The following GALNT18 variants were observed in gnomAD, a reference collection of about 807,000 sequenced individuals.
The protein encoded by GALNT18 is polypeptide N-acetylgalactosaminyltransferase 18.
A neutral mutation model predicts 69.5 loss-of-function variants in GALNT18; 44 were observed. That is an observed-to-expected ratio of 0.63 (90% CI 0.50 to 0.81). The LOEUF is 0.81. GALNT18 is among the 40% of genes least tolerant of loss of function. The pLI is 0.00. For missense variants in GALNT18, 715 were observed against 810.0 expected (o/e 0.88, Z 1.42); for synonymous variants, 364 against 318.2 (o/e 1.14, Z -1.53).
chr11:11,560,969 C>T (rs1311256016), intron 1 of GALNT18, among the ~76,000 whole-genome samples: 1 of 152,234 alleles, frequency 6.6e-6, no homozygotes, highest in Non-Finnish European at 1.5e-5. Flanking sequence ...TTGGTTCACA[C>T]TTCTGCCATG....
At chr11:11,363,639 C>A (rs555994819) in intron 6 of GALNT18, among the ~76,000 whole-genome samples, 3 of 152,246 alleles carry the variant, frequency 2.0e-5, no homozygotes, top group African/African-American at 7.2e-5. Context: ...TGAGAAAGAT[C>A]ATCATGAATG....
In GALNT18 at chr11:11,347,931, A is replaced by C. The variant is rs1850330953; in HGVS notation, c.1093-6927T>G. Among the ~76,000 whole-genome samples, 1 of 152,206 alleles carries C rather than the reference A, an allele frequency of 6.6e-6. No homozygotes were observed. The highest frequency in any genetic ancestry group is 1.5e-5 in the Non-Finnish European group (1 of 68,030). ...CTGAGGGCTGGGGAGAGCTGGCAGA[A>C]GACCAGAAAGTCACTCGCAGAGTGG... On this transcript the variant is annotated intron_variant, in intron 6 of 10. Coordinates refer to ENST00000227756, the MANE Select transcript of GALNT18 (RefSeq NM_198516.3). The surrounding 1 kb of genome is among the most constrained non-coding windows in gnomAD (Gnocchi z 4.0).
chr11:11,501,503 T>A (rs541169371), intron 1 of GALNT18, among the ~76,000 whole-genome samples: 1 of 152,326 alleles, frequency 6.6e-6, no homozygotes, highest in South Asian at 2.1e-4. Context: ...ACAGTATTTT[T>A]AAAATCCTAC....
At chr11:11,502,270 T>G (rs561884846) in intron 1 of GALNT18, among the ~76,000 whole-genome samples, 74 of 152,368 alleles carry the variant, frequency 4.9e-4, no homozygotes, top group South Asian at 1.9e-3. Context: ...CAACAGTACC[T>G]GCCTCTCCTT....
rs1860171518 is a variant in GALNT18 at position 11,620,726 on chromosome 11, G to A, written c.235+633C>T. ...TGCTCCTGGAGAGGGTCCTGGACCC[G>A]CGGGCTGTGGTGGGGGTAGGGACTG... On this transcript the variant is annotated intron_variant, in intron 1 of 10. Transcript: ENST00000227756. This position sits in a 1 kb window ranked among gnomAD's most constrained non-coding sequence, Gnocchi z 6.9. Among the ~76,000 whole-genome samples, 1 of 152,152 alleles carries A rather than the reference G, an allele frequency of 6.6e-6. No individual in the cohort carries two copies. Among genetic ancestry groups the A allele is most frequent in the Admixed American group, 6.5e-5 (1 of 15,288 alleles).
rs1371832043 is a variant in GALNT18, at chr11:11,396,293, C to T, written c.596-17029G>A. On this transcript the variant is annotated intron_variant, in intron 3 of 10. Transcript: ENST00000227756. This position sits in a 1 kb window ranked among gnomAD's most constrained non-coding sequence, Gnocchi z 5.2. ...GGCTTTCTCGATTCTGGCCTGGGAT[C>T]CACAAGACATGGATCAAGAAGGGCA... 5.3e-5 allele frequency among the ~76,000 whole-genome samples: 8 copies of T among 152,092 alleles called. No homozygotes were observed. Among genetic ancestry groups the T allele is most frequent in the Admixed American group, 5.2e-4 (8 of 15,268 alleles).
Position 11,382,596 on chromosome 11 carries a change from C to G in GALNT18, c.596-3332G>C, listed in dbSNP as rs116230304. Among the ~76,000 whole-genome samples the G allele has an allele frequency of 2.9e-3, 442 of 152,230 alleles. 3 individuals carry two copies. The highest frequency in any genetic ancestry group is 0.01 in the African/African-American group (432 of 41,526). On this transcript the variant is annotated intron_variant, in intron 3 of 10. Transcript: ENST00000227756. This position sits in a 1 kb window ranked among gnomAD's most constrained non-coding sequence, Gnocchi z 4.3. ...ACAAGTACCCAGCCCATCATATTTG[C>G]CTTCTTGCTAAGGCTGCCAGGAAGC...
chr11:11,493,431 A>G (rs919668931), intron 1 of GALNT18, among the ~76,000 whole-genome samples: 1 of 152,154 alleles, frequency 6.6e-6, no homozygotes, highest in Non-Finnish European at 1.5e-5. Context: ...TTTCGTGACC[A>G]GCTCAACCTT....
intron 10 of GALNT18, among the ~76,000 whole-genome samples, chr11:11,272,381 T>TG (rs1848846181): frequency 6.6e-6 from 1 of 152,184 alleles, no homozygotes; most frequent in South Asian, 2.1e-4. Flanking sequence ...GTCAGCTCCC[T>TG]AATGGATCTC....
Position 11,462,018 on chromosome 11 carries a change from G to T in GALNT18, c.236-13082C>A, listed in dbSNP as rs544220289. 3.9e-5 allele frequency among the ~76,000 whole-genome samples: 6 copies of T among 152,316 alleles called. No homozygotes were observed. In the East Asian group the frequency reaches 1.2e-3, roughly 29 times the overall value. On this transcript the variant is annotated intron_variant, in intron 1 of 10. Transcript: ENST00000227756. ...CTTTCTTCTGGTCTTAAAGGGAAGC[G>T]GGGTGCTGTAGGAACAGCAGCAAGC...
intron 10 of GALNT18, among the ~76,000 whole-genome samples, chr11:11,280,176 C>T (rs546694869): frequency 6.6e-6 from 1 of 152,302 alleles, no homozygotes; most frequent in South Asian, 2.1e-4. Flanking sequence ...ATTCAGTGTA[C>T]TCAACAGCAC....
intron 3 of GALNT18, among the ~76,000 whole-genome samples, chr11:11,409,549 C>G (rs1406408591): frequency 1.3e-5 from 2 of 152,078 alleles, no homozygotes; most frequent in African/African-American, 4.8e-5. Context: ...CAAAGTGAAG[C>G]CCCATGATAC....
intron 1 of GALNT18, among the ~76,000 whole-genome samples, chr11:11,524,322 GTATAT>G (rs1475121488): frequency 6.6e-5 from 10 of 152,236 alleles, no homozygotes; most frequent in Admixed American, 5.2e-4. Context: ...TTTCAGCAGA[GTATAT>G]TATAATTCTC....
At chr11:11,453,968 C>T (rs1027343924) in intron 1 of GALNT18, among the ~76,000 whole-genome samples, 7 of 152,244 alleles carry the variant, frequency 4.6e-5, no homozygotes, top group African/African-American at 1.4e-4. Context: ...TGAGGTCAGG[C>T]ATTTGCTTTG....
chr11:11,375,850 C>T (rs1052812663), intron 5 of GALNT18, among the ~76,000 whole-genome samples: 7 of 152,096 alleles, frequency 4.6e-5, no homozygotes, highest in African/African-American at 1.7e-4. Flanking sequence ...GGTTTTATCC[C>T]GTTTTAAGTA....
intron 3 of GALNT18, among the ~76,000 whole-genome samples, chr11:11,426,513 A>G (rs1034961701): frequency 2.6e-5 from 4 of 152,242 alleles, no homozygotes; most frequent in African/African-American, 7.2e-5. Context: ...CATTAAATCC[A>G]TATTTATTGA....
At chr11:11,519,308 AG>A (rs869085116) in intron 1 of GALNT18, among the ~76,000 whole-genome samples, 2 of 152,304 alleles carry the variant, frequency 1.3e-5, no homozygotes, top group South Asian at 4.1e-4. Context: ...GGCTAGCAAA[AG>A]GGGGGAGCCA....
In GALNT18 at chr11:11,314,782, G is replaced by A. The variant is rs1849723186; in HGVS notation, c.1512+12304C>T. On this transcript the variant is annotated intron_variant, in intron 9 of 10. Coordinates refer to ENST00000227756, the MANE Select transcript of GALNT18 (RefSeq NM_198516.3). This position sits in a 1 kb window ranked among gnomAD's most constrained non-coding sequence, Gnocchi z 5.2. ...GGATTCTAAGGAGTCAGTGCTGGTA[G>A]AGAAAGCAGCGCTGCTGGGTGGTAG... Among the ~76,000 whole-genome samples, 8 of 152,192 alleles carry A rather than the reference G, an allele frequency of 5.3e-5. No individual in the cohort carries two copies. Among genetic ancestry groups the A allele is most frequent in the Admixed American group, 3.3e-4 (5 of 15,286 alleles).
intron 1 of GALNT18, among the ~76,000 whole-genome samples, chr11:11,607,980 A>C (rs1410017536): frequency 6.6e-6 from 1 of 152,218 alleles, no homozygotes; most frequent in Non-Finnish European, 1.5e-5. Context: ...ATATTTCTCC[A>C]CAAACAAGGG....
Sources: allele counts gnomAD v4.1 joint callset (sites outside exome capture counted in the v4.1 genomes callset), GRCh38; gene constraint gnomAD v4.1.1; non-coding constraint Gnocchi (gnomAD v3.1); transcripts MANE v1.5; gene names NCBI Gene and HGNC (gene_info 2026-07-23, HGNC 2026-07-21).